The following SCN7A variants were observed in gnomAD, a reference collection of about 807,000 sequenced individuals.
The protein encoded by SCN7A is sodium channel protein type 7 subunit alpha.
Under a neutral mutation model 155.2 loss-of-function variants are expected in SCN7A, and 138 were observed. The observed-to-expected ratio is 0.89, with a 90% CI of 0.77 to 1.02. The LOEUF (loss-of-function observed/expected upper bound fraction) is 1.02. SCN7A is among the 50% of genes least tolerant of loss of function. The pLI, the probability that SCN7A is intolerant of heterozygous loss-of-function variation, is 0.00. For synonymous variants in SCN7A, 693 were observed against 649.0 expected (o/e 1.07, Z -1.03); for missense variants, 2,058 against 1,986.6 (o/e 1.04, Z -0.68).
chr2:166,408,978 G>T (rs910976227), intron 25 of SCN7A, among the ~76,000 whole-genome samples: 11 of 151,782 alleles, frequency 7.2e-5, no homozygotes, highest in Non-Finnish European at 1.6e-4. Flanking sequence ...TACTGATTAG[G>T]TGACCTCCTT....
intron 23 of SCN7A, 46 bp downstream of exon 23, chr2:166,412,484 C>T: frequency 7.4e-7 from 1 of 1,347,370 alleles, no homozygotes; most frequent in Non-Finnish European, 9.6e-7. Flanking sequence ...TATGTGTATG[C>T]CTGATTTTCT....
intron 15 of SCN7A, among the ~76,000 whole-genome samples, chr2:166,434,527 G>C (rs1701798476): frequency 6.6e-6 from 1 of 152,098 alleles, no homozygotes; most frequent in Non-Finnish European, 1.5e-5. Flanking sequence ...AAATAAAGCA[G>C]ACTTAGGTCT....
At chr2:166,445,090 T>C (rs758659612) in intron 12 of SCN7A, 90 bp from the exon 13 acceptor site, 18 of 728,652 alleles carry the variant, frequency 2.5e-5, no homozygotes, top group African/African-American at 5.3e-5. Flanking sequence ...CCGAGGTGGG[T>C]GAATCACTTA....
At chr2:166,413,981 G>GTATATATATATATATATA (rs556351441) in intron 21 of SCN7A, among the ~76,000 whole-genome samples, 1,748 of 53,296 alleles carry the variant, frequency 0.033, 127 homozygotes, top group African/African-American at 0.048. Flanking sequence ...ATGTGTATGT[G>GTATATATATATATATATA]TATATATATA....
chr2:166,472,808 T>TC, intron 5 of SCN7A, among the ~76,000 whole-genome samples: 1 of 151,950 alleles, frequency 6.6e-6, no homozygotes. Flanking sequence ...AGCTTTGTTT[T>TC]TTTTGCTTAG....
chr2:166,487,303 G>A (rs565716197), intron 1 of SCN7A, among the ~76,000 whole-genome samples: 26 of 152,270 alleles, frequency 1.7e-4, no homozygotes, highest in African/African-American at 6.3e-4. Context: ...CATGCAAGAG[G>A]CTGCATCAAC....
intron 18 of SCN7A, among the ~76,000 whole-genome samples, chr2:166,426,429 G>A (rs1474958081): frequency 6.6e-6 from 1 of 151,858 alleles, no homozygotes; most frequent in Admixed American, 6.6e-5. Flanking sequence ...CCCAGAATAG[G>A]GCATTAGGAG....
intron 7 of SCN7A, among the ~76,000 whole-genome samples, chr2:166,469,516 C>A (rs1409708675): frequency 6.6e-6 from 1 of 151,494 alleles, no homozygotes; most frequent in South Asian, 2.1e-4. Context: ...TATTTTCATA[C>A]ACTCCATATT....
intron 21 of SCN7A, among the ~76,000 whole-genome samples, 191 bp from the exon 22 acceptor site, chr2:166,413,312 T>C (rs1701242915): frequency 1.3e-5 from 2 of 152,094 alleles, no homozygotes; most frequent in Non-Finnish European, 2.9e-5. Context: ...AGTTTATTTA[T>C]AGTTAATAAC....
At chr2:166,454,166 C>T (rs1017917315) in intron 11 of SCN7A, among the ~76,000 whole-genome samples, 2 of 152,010 alleles carry the variant, frequency 1.3e-5, no homozygotes, top group Non-Finnish European at 2.9e-5. Context: ...AGCCATAAGC[C>T]CTTAAGATTG....
intron 14 of SCN7A, 70 bp downstream of exon 14, chr2:166,443,433 C>T (rs747319046): frequency 1.5e-6 from 2 of 1,327,228 alleles, no homozygotes; most frequent in Non-Finnish European, 2.1e-6. Flanking sequence ...TTACTGTAAC[C>T]CCATTTTATG....
chr2:166,436,393 TG>T, intron 15 of SCN7A: 1 of 444,098 alleles, frequency 2.3e-6, no homozygotes, highest in Non-Finnish European at 4.5e-6. Flanking sequence ...AGGACATGCC[TG>T]CTTCCTCTTC....
chr2:166,449,706 A>T (rs531975951), intron 11 of SCN7A, among the ~76,000 whole-genome samples: 5 of 152,258 alleles, frequency 3.3e-5, no homozygotes, highest in African/African-American at 1.2e-4. Context: ...GCTCAACCTC[A>T]GTAATCATTA....
Position 166,448,264 on chromosome 2 carries a change from C to A in SCN7A, c.1291-556G>T, listed in dbSNP as rs547048693. On this transcript the variant is annotated intron_variant, in intron 11 of 25. Coordinates refer to ENST00000643258, the MANE Select transcript of SCN7A (RefSeq NM_002976.4). ...ACTTAACATAACCTCAAGTTCCATC[C>A]ATGTTGCTGCAAATGACAAGACTTT... Among the ~76,000 whole-genome samples, 7 of 152,276 alleles carry A rather than the reference C, an allele frequency of 4.6e-5. No homozygotes were observed. The East Asian group carries it at 9.7e-4, about 21-fold the overall frequency.
chr2:166,464,082 C>CAT (rs776720023), intron 9 of SCN7A, among the ~76,000 whole-genome samples: 5 of 149,852 alleles, frequency 3.3e-5, no homozygotes, highest in East Asian at 4.9e-4. Context: ...CACACATACA[C>CAT]ATATATATAT....
At chr2:166,475,119 T>TATACAC (rs763878028) in intron 3 of SCN7A, among the ~76,000 whole-genome samples, 77 of 130,154 alleles carry the variant, frequency 5.9e-4, no homozygotes, top group African/African-American at 1.8e-3. Context: ...TATATATATA[T>TATACAC]ACATATATAT....
At chr2:166,445,883 T>A (rs1471682824) in intron 12 of SCN7A, among the ~76,000 whole-genome samples, 1 of 152,254 alleles carries the variant, frequency 6.6e-6, no homozygotes, top group South Asian at 2.1e-4. Flanking sequence ...TAACTCAAGA[T>A]GGATTAAAGA....
intron 5 of SCN7A, 32 bp from the exon 6 acceptor site, chr2:166,472,477 G>C: frequency 2.7e-6 from 4 of 1,480,770 alleles, no homozygotes; most frequent in South Asian, 2.4e-5. Flanking sequence ...AATATTATTG[G>C]TGAGAATAAT....
chr2:166,480,469 A>C lies in SCN7A; in HGVS notation c.-14-2759T>G, dbSNP rs1258210636. On this transcript the variant is annotated intron_variant, in intron 2 of 25. Transcript: ENST00000643258. ...CGAGACTCCGTCTCAAAAAAAAAAA[A>C]CAAAAAAACAAAAAAACAAAAAAAA... Among the ~76,000 whole-genome samples, 38 of 147,568 alleles carry C rather than the reference A, an allele frequency of 2.6e-4. 1 individual carries two copies. Among genetic ancestry groups the C allele is most frequent in the African/African-American group, 4.7e-4 (19 of 40,548 alleles).
Sources: gnomAD v4.1 joint callset for allele counts (sites outside exome capture counted in the v4.1 genomes callset) on GRCh38, gnomAD v4.1.1 for gene constraint, MANE v1.5 for transcripts, NCBI Gene and HGNC (gene_info 2026-07-23, HGNC 2026-07-21) for gene names.